NOS2: variants seen among roughly 807,000 people sequenced by gnomAD.
NOS2 encodes nitric oxide synthase 2.
NOS2 carries 96 observed loss-of-function variants against 136.0 expected under a neutral mutation model. That is an observed-to-expected ratio of 0.71 (90% CI 0.60 to 0.84). NOS2 has a LOEUF of 0.84. Ranked by LOEUF, NOS2 falls within the 40% of genes least tolerant of loss-of-function variation. NOS2 has a pLI of 0.00. For missense variants in NOS2, 1,237 were observed against 1,496.9 expected, an observed-to-expected ratio of 0.83 and a Z score of 2.87; for synonymous variants, 539 against 587.5, an observed-to-expected ratio of 0.92 and a Z score of 1.20.
At chr17:27,788,193 C>T (rs1036274236) in intron 4 of NOS2, among the ~76,000 whole-genome samples, 1 of 109,794 alleles carries the variant, frequency 9.1e-6, no homozygotes, top group South Asian at 3.1e-4. Context: ...AAGGCACACG[C>T]GTGCACACAC....
At chr17:27,770,470 A>C (rs1368303602) in intron 15 of NOS2, among the ~76,000 whole-genome samples, 1 of 152,186 alleles carries the variant, frequency 6.6e-6, no homozygotes, top group Non-Finnish European at 1.5e-5. Flanking sequence ...TGGGCAACAA[A>C]AGCAAAACTC....
At chr17:27,774,525 C>T (rs1908602939) in intron 11 of NOS2, 74 bp from the exon 12 acceptor site, 2 of 1,216,798 alleles carry the variant, frequency 1.6e-6, no homozygotes, top group East Asian at 2.8e-5. Flanking sequence ...GGCCGCAGGG[C>T]TCCCAGAGAG....
At chr17:27,774,188 G>GCGCA (rs1555539427) in intron 12 of NOS2, 69 bp downstream of exon 12, 4 of 1,085,126 alleles carry the variant, frequency 3.7e-6, no homozygotes, top group Admixed American at 3.5e-5. Context: ...ACAATGAGGT[G>GCGCA]CACACACACA....
intron 26 of NOS2, 129 bp downstream of exon 26, chr17:27,758,752 C>T (rs1172298396): frequency 1.5e-6 from 1 of 669,528 alleles, no homozygotes; most frequent in Non-Finnish European, 2.3e-6. Flanking sequence ...TCAGCCACTG[C>T]TAAGATTCTC....
intron 16 of NOS2, 97 bp from the exon 17 acceptor site, chr17:27,769,248 T>TC (rs1655223193): frequency 2.5e-6 from 3 of 1,216,980 alleles, no homozygotes; most frequent in Non-Finnish European, 3.4e-6. Context: ...CCCCAGACTC[T>TC]CCCCCTCCAG....
intron 2 of NOS2, among the ~76,000 whole-genome samples, chr17:27,794,970 A>T (rs1597561152): frequency 6.6e-6 from 1 of 151,764 alleles, no homozygotes; most frequent in Non-Finnish European, 1.5e-5. Context: ...CTCTGGGTGG[A>T]CCCACCTCCT....
intron 4 of NOS2, 78 bp from the exon 5 acceptor site, chr17:27,787,904 C>T: frequency 6.8e-7 from 1 of 1,467,320 alleles, no homozygotes; most frequent in Non-Finnish European, 9.2e-7. Context: ...CTCTCCTGGC[C>T]ACCTGGCTCC....
chr17:27,772,098 CTG>C (rs1159269654), intron 14 of NOS2, among the ~76,000 whole-genome samples: 4 of 152,252 alleles, frequency 2.6e-5, no homozygotes, highest in Non-Finnish European at 5.9e-5. Flanking sequence ...GTTTCTCAAA[CTG>C]TGTTCTCCAG....
chr17:27,767,878 C>G (rs1453458261), intron 17 of NOS2, 41 bp from the exon 18 acceptor site: 1 of 1,608,174 alleles, frequency 6.2e-7, no homozygotes, highest in East Asian at 2.2e-5. Context: ...TGGTCAGCAG[C>G]AGCAGCATCC....
At chr17:27,793,284 T>C (rs1314063265) in intron 2 of NOS2, among the ~76,000 whole-genome samples, 1 of 151,924 alleles carries the variant, frequency 6.6e-6, no homozygotes, top group Non-Finnish European at 1.5e-5. Context: ...ATCCAAAGAG[T>C]GTAGCAACTT....
chr17:27,797,395 C>T (rs1276975018), intron 2 of NOS2, among the ~76,000 whole-genome samples: 1 of 152,266 alleles, frequency 6.6e-6, no homozygotes, highest in Non-Finnish European at 1.5e-5. Flanking sequence ...TCCTCCAACT[C>T]CAGGAAATCA....
chr17:27,765,472 C>G (rs1908266520), intron 20 of NOS2, 63 bp downstream of exon 20: 3 of 1,471,112 alleles, frequency 2.0e-6, no homozygotes, highest in Non-Finnish European at 2.7e-6. Context: ...AGGCTCAGCC[C>G]CTCAGCCAGG....
chr17:27,772,386 G>A lies in NOS2; in HGVS notation c.1626C>T (p.Leu542=), dbSNP rs768467991. Residue 542 remains leucine, a synonymous_variant, in exon 14 of 27, where the codon CTC becomes CTT. Transcript: ENST00000313735. The part of the protein sequence containing the change: ...TMASRVRVTI[L]FATETGKSEA... ...CTGATTTTCCTGTCTCTGTCGCAAA[G>A]AGGATGGTGACTCTGACTCGGGACG... is the stretch of plus-strand genomic sequence containing the variant. 1.9e-6 allele frequency: 3 copies of A among 1,614,034 alleles called. No individual in the cohort carries two copies. The highest frequency in any genetic ancestry group is 2.7e-5 in the African/African-American group (2 of 74,930).
At chr17:27,758,648 T>C (rs953931941) in intron 26 of NOS2, among the ~76,000 whole-genome samples, 2 of 152,058 alleles carry the variant, frequency 1.3e-5, no homozygotes, top group African/African-American at 4.8e-5. Context: ...ATTCTACAGA[T>C]GGAAAAATGG....
chr17:27,762,108 C>T (rs148940014), intron 22 of NOS2, among the ~76,000 whole-genome samples: 16 of 152,276 alleles, frequency 1.1e-4, no homozygotes, highest in African/African-American at 3.4e-4. Context: ...ACCACCTGGA[C>T]GAGATGTTGG....
intron 18 of NOS2, 74 bp from the exon 19 acceptor site, chr17:27,766,662 G>A: frequency 1.7e-6 from 2 of 1,195,528 alleles, no homozygotes; most frequent in Admixed American, 1.7e-5. Flanking sequence ...CCAGATGTCT[G>A]AGTCAGTGAC....
Position 27,767,637 on chromosome 17 carries a change from C to A in NOS2, c.2167+68G>T. 5 of 1,563,078 alleles carry A rather than the reference C, an allele frequency of 3.2e-6. No individual in the cohort carries two copies. The South Asian group carries it at 5.9e-5, about 18-fold the overall frequency. On this transcript the variant is annotated intron_variant, in intron 18 of 26. Coordinates refer to ENST00000313735, the MANE Select transcript of NOS2 (RefSeq NM_000625.4). Reference sequence around the variant, plus strand: ...CTGTTCAGAAAGACCTGGGGGTCTCCTTGACCATGGGCTTAGGGCTCAGAC... The same window carrying A: ...CTGTTCAGAAAGACCTGGGGGTCTCATTGACCATGGGCTTAGGGCTCAGAC...
At chr17:27,780,668 G>T in intron 9 of NOS2, 99 bp downstream of exon 9, 1 of 1,505,524 alleles carries the variant, frequency 6.6e-7, no homozygotes, top group Middle Eastern at 1.7e-4. Context: ...TGCTGGCTGG[G>T]CTTTAGGGAA....
intron 5 of NOS2, 68 bp from the exon 6 acceptor site, chr17:27,783,174 A>C: frequency 6.5e-7 from 1 of 1,526,862 alleles, no homozygotes; most frequent in Non-Finnish European, 9.0e-7. Context: ...AATTCAATCC[A>C]CAGAAGCAGG....
Sources: gnomAD v4.1 joint callset for allele counts (sites outside exome capture counted in the v4.1 genomes callset) on GRCh38, gnomAD v4.1.1 for gene constraint, MANE v1.5 for transcripts, NCBI Gene and HGNC (gene_info 2026-07-23, HGNC 2026-07-21) for gene names.